The following TMEM45A variants were observed in gnomAD, a reference collection of about 807,000 sequenced individuals.
The protein encoded by TMEM45A is transmembrane protein 45A.
Under a neutral mutation model 32.0 loss-of-function variants are expected in TMEM45A, and 25 were observed. The ratio of observed to expected loss-of-function variants is 0.78; its 90% CI spans 0.57 to 1.09. The LOEUF is 1.09. TMEM45A is among the 50% of genes least tolerant of loss of function. The pLI is 0.00. For synonymous variants in TMEM45A, 122 were observed against 114.8 expected, an observed-to-expected ratio of 1.06 and a Z score of -0.40; for missense variants, 302 against 325.0, an observed-to-expected ratio of 0.93 and a Z score of 0.54.
intron 1 of TMEM45A, among the ~76,000 whole-genome samples, chr3:100,544,912 C>T (rs1379752637): frequency 6.6e-6 from 1 of 152,188 alleles, no homozygotes; most frequent in Non-Finnish European, 1.5e-5. Context: ...AAGTGACAAG[C>T]TGCTTTCCCA....
rs556488289 is a variant in TMEM45A, at chr3:100,540,285, T to G, written c.-3-14924T>G. On this transcript the variant is annotated intron_variant, in intron 1 of 5. Transcript: ENST00000323523. ...GACAAACCACAGACTGGGGAAAATGTTTGCAAAACATAAATCTGATAAAAG... is the reference window on the plus strand; with the variant it reads ...GACAAACCACAGACTGGGGAAAATGGTTGCAAAACATAAATCTGATAAAAG... Among the ~76,000 whole-genome samples the G allele has an allele frequency of 5.3e-5, 8 of 152,160 alleles. No homozygotes were observed. In the East Asian group the frequency reaches 1.4e-3, roughly 26 times the overall value.
chr3:100,502,602 G>T (rs1267119424), intron 1 of TMEM45A, among the ~76,000 whole-genome samples: 1 of 152,006 alleles, frequency 6.6e-6, no homozygotes, highest in Non-Finnish European at 1.5e-5. Flanking sequence ...ATGTAACTGG[G>T]ATTACAGGTG....
chr3:100,560,721 T>C (rs1486350474), intron 4 of TMEM45A, among the ~76,000 whole-genome samples: 2 of 152,022 alleles, frequency 1.3e-5, no homozygotes, highest in African/African-American at 2.4e-5. Context: ...AAAAGCGAAA[T>C]ATTCAAATAA....
intron 1 of TMEM45A, among the ~76,000 whole-genome samples, chr3:100,510,499 TA>T (rs1226070323): frequency 6.6e-6 from 1 of 151,978 alleles, no homozygotes; most frequent in Non-Finnish European, 1.5e-5. Flanking sequence ...CAAAAGTAGA[TA>T]AAACCACAAA....
chr3:100,535,881 C>T (rs1226811124), intron 1 of TMEM45A, among the ~76,000 whole-genome samples: 1 of 152,024 alleles, frequency 6.6e-6, no homozygotes, highest in Non-Finnish European at 1.5e-5. Context: ...CTTGGTTGTA[C>T]TTAGTTGGAT....
At chr3:100,571,151 T>G (rs1706548738) in intron 5 of TMEM45A, 1 of 152,208 alleles carries the variant, frequency 6.6e-6, no homozygotes, top group Admixed American at 6.5e-5. Flanking sequence ...TTATCTGTTC[T>G]CCATATCATT....
intron 1 of TMEM45A, among the ~76,000 whole-genome samples, chr3:100,533,452 CCA>C (rs1705685708): frequency 6.6e-6 from 1 of 152,082 alleles, no homozygotes; most frequent in Non-Finnish European, 1.5e-5. Context: ...GCACAGCACA[CCA>C]CACCTTTTCC....
At chr3:100,532,559 G>A (rs990351441) in intron 1 of TMEM45A, among the ~76,000 whole-genome samples, 21 of 152,128 alleles carry the variant, frequency 1.4e-4, no homozygotes, top group African/African-American at 4.8e-4. Flanking sequence ...TGCCATGATC[G>A]TTTTATTTTC....
intron 1 of TMEM45A, among the ~76,000 whole-genome samples, chr3:100,520,609 G>A (rs1347049844): frequency 1.3e-5 from 2 of 152,014 alleles, no homozygotes; most frequent in African/African-American, 4.8e-5. Context: ...CCTCTTGTAC[G>A]CCCCACACAA....
chr3:100,570,585 C>T (rs978924604), intron 5 of TMEM45A: 1 of 152,396 alleles, frequency 6.6e-6, no homozygotes, highest in Non-Finnish European at 1.5e-5. Flanking sequence ...TTGAGTGAAA[C>T]TTGGCTTCTC....
intron 1 of TMEM45A, among the ~76,000 whole-genome samples, chr3:100,531,934 T>C (rs973517052): frequency 6.6e-6 from 1 of 152,256 alleles, no homozygotes; most frequent in Non-Finnish European, 1.5e-5. Flanking sequence ...CAGTTGTCCA[T>C]GTAAATACTT....
intron 1 of TMEM45A, among the ~76,000 whole-genome samples, chr3:100,515,099 C>A (rs1324438052): frequency 6.7e-6 from 1 of 148,302 alleles, no homozygotes; most frequent in Non-Finnish European, 1.5e-5. Context: ...ACTAGAAATA[C>A]CATTTGACCC....
At chr3:100,523,336 T>G (rs1705472034) in intron 1 of TMEM45A, among the ~76,000 whole-genome samples, 1 of 152,184 alleles carries the variant, frequency 6.6e-6, no homozygotes, top group African/African-American at 2.4e-5. Flanking sequence ...CAGGTGGTGG[T>G]TCTTACATTT....
intron 1 of TMEM45A, among the ~76,000 whole-genome samples, chr3:100,513,086 A>G (rs1708194844): frequency 6.7e-6 from 1 of 149,548 alleles, no homozygotes; most frequent in South Asian, 2.1e-4. Context: ...AACTATTCCA[A>G]TCAATAGAAA....
At chr3:100,528,456 G>A (rs1427310513) in intron 1 of TMEM45A, among the ~76,000 whole-genome samples, 2 of 152,158 alleles carry the variant, frequency 1.3e-5, no homozygotes, top group Non-Finnish European at 1.5e-5. Context: ...GGGCAGAATC[G>A]AAGGTGGGGA....
chr3:100,527,236 C>T (rs116289065), intron 1 of TMEM45A, among the ~76,000 whole-genome samples: 2,100 of 152,218 alleles, frequency 0.014, 18 homozygotes, highest in Admixed American at 0.024. Flanking sequence ...AAAAGTATTT[C>T]AAAAACTCCC....
chr3:100,555,533 C>T, intron 2 of TMEM45A, 132 bp downstream of exon 2: 1 of 917,548 alleles, frequency 1.1e-6, no homozygotes, highest in South Asian at 2.4e-5. Context: ...TATCAAAAAC[C>T]ATTTTGCAAA....
chr3:100,546,897 G>T (rs1016984835), intron 1 of TMEM45A, among the ~76,000 whole-genome samples: 2 of 152,280 alleles, frequency 1.3e-5, no homozygotes, highest in East Asian at 3.9e-4. Context: ...GTGACATAGA[G>T]TAGGTCACTA....
chr3:100,556,865 A>G lies in TMEM45A; in HGVS notation c.296A>G (p.Tyr99Cys). 2 of 1,614,066 alleles carry G rather than the reference A, an allele frequency of 1.2e-6. No homozygotes were observed. Among genetic ancestry groups the G allele is most frequent in the Non-Finnish European group, 1.7e-6 (2 of 1,180,004 alleles). ...CTGGGCTGGCATCATTTCACCATGT[A>G]TTTCTTCTTTGGGCTGTTGGGTGTG... Reference protein sequence around the residue: ...QLLGWHHFTMYFFFGLLGVAD... With the variant: ...QLLGWHHFTMCFFFGLLGVAD... Residue 99 changes from tyrosine (Y) to cysteine (C), a missense_variant, in exon 3 of 6, where the codon TAT (tyrosine) becomes TGT (cysteine). Physicochemically the swap from Tyr to Cys is radical, Grantham distance 194 (BLOSUM62 -2). Coordinates refer to ENST00000323523, the MANE Select transcript of TMEM45A (RefSeq NM_018004.3).
Sources: allele counts gnomAD v4.1 joint callset (sites outside exome capture counted in the v4.1 genomes callset), GRCh38; gene constraint gnomAD v4.1.1; transcripts MANE v1.5; gene names NCBI Gene and HGNC (gene_info 2026-07-23, HGNC 2026-07-21).